Variants in ANXA8 observed in about 807,000 individuals in gnomAD.
ANXA8 encodes the protein annexin A8.
In ANXA8, 9 loss-of-function variants were observed where a neutral mutation model predicts 26.8. The ratio of observed to expected loss-of-function variants is 0.34; its 90% CI spans 0.20 to 0.59. ANXA8 has a LOEUF of 0.59. ANXA8 is among the 20% of genes least tolerant of loss of function. The probability of loss-of-function intolerance (pLI) is 0.84; values close to 1 mark genes in which losing one functional copy is unlikely to be tolerated. For missense variants in ANXA8, 83 were observed against 238.5 expected (o/e 0.35, Z 4.29); for synonymous variants, 39 against 94.8 (o/e 0.41, Z 3.42).
the ANXA8 span, among the ~76,000 whole-genome samples, chr10:47,734,152 C>T: frequency 1.4e-5 from 2 of 141,448 alleles, no homozygotes; most frequent in African/African-American, 5.3e-5. Context: ...TCATCATTGG[C>T]TGCAATCTTA....
chr10:47,511,376 T>C, the ANXA8 span, among the ~76,000 whole-genome samples: 1 of 140,874 alleles, frequency 7.1e-6, no homozygotes. Flanking sequence ...TCAGGTGATA[T>C]TGTTACAAAA....
At chr10:47,586,988 T>C in the ANXA8 span, among the ~76,000 whole-genome samples, 28 of 143,750 alleles carry the variant, frequency 1.9e-4, no homozygotes, top group African/African-American at 6.1e-4. Flanking sequence ...TGGCAGAACA[T>C]GAGGTCAAGA....
chr10:47,658,847 A>ATTATTTATTTAT, the ANXA8 span, among the ~76,000 whole-genome samples: 93 of 133,704 alleles, frequency 7.0e-4, no homozygotes, highest in Non-Finnish European at 1.1e-3. Context: ...TTATTTATTT[A>ATTATTTATTTAT]TTATTTATTT....
chr10:47,756,948 G>A, the ANXA8 span, among the ~76,000 whole-genome samples: 1 of 138,894 alleles, frequency 7.2e-6, no homozygotes, highest in Admixed American at 7.2e-5. Flanking sequence ...GGAAACAGGA[G>A]GGGCAGGGCC....
rs1839435724 is a variant in ANXA8 at position 47,474,424 on chromosome 10, C to T, written c.553-26G>A. On this transcript the variant is annotated intron_variant, in intron 7 of 11. Transcript: ENST00000585281. ...CTAGCATTGGGACACCCACAATAAG[C>T]CAGTGAGGGAGACCAGGGAGGTGAG... 9.7e-6 allele frequency: 13 copies of T among 1,346,976 alleles called. 2 individuals are homozygous for T. Among genetic ancestry groups the T allele is most frequent in the Non-Finnish European group, 1.2e-5 (12 of 1,002,360 alleles). 83.4% of individuals were successfully genotyped at this position (1,346,976 alleles called of 1,614,324 possible). A position where few individuals can be genotyped will look rare whatever the true frequency, so the allele number is the denominator to read the frequency against.
upstream of ANXA8, among the ~76,000 whole-genome samples, chr10:47,488,966 C>T: frequency 6.7e-6 from 1 of 148,348 alleles, no homozygotes; most frequent in East Asian, 2.1e-4. Context: ...CCGCCCACCT[C>T]AGCCTCCCAA....
At chr10:47,658,559 A>G in the ANXA8 span, among the ~76,000 whole-genome samples, 2 of 143,550 alleles carry the variant, frequency 1.4e-5, no homozygotes, top group Non-Finnish European at 3.0e-5. Context: ...AGAAAAATCT[A>G]TAGGGATTTC....
the ANXA8 span, among the ~76,000 whole-genome samples, chr10:47,755,195 TC>T: frequency 2.6e-5 from 4 of 151,722 alleles, no homozygotes; most frequent in African/African-American, 9.7e-5. Context: ...GATGTCGTAA[TC>T]CACCCCTCTC....
At chr10:47,595,473 G>A in the ANXA8 span, among the ~76,000 whole-genome samples, 1 of 148,910 alleles carries the variant, frequency 6.7e-6, no homozygotes, top group Non-Finnish European at 1.5e-5. Flanking sequence ...TGGCGAATTG[G>A]AATAAAAAAA....
At chr10:47,688,186 C>G in the ANXA8 span, among the ~76,000 whole-genome samples, 1 of 148,118 alleles carries the variant, frequency 6.8e-6, no homozygotes, top group Non-Finnish European at 1.5e-5. Flanking sequence ...GTCCGCCTCT[C>G]AGGCTCAAGT....
At chr10:47,746,724 G>A in the ANXA8 span, among the ~76,000 whole-genome samples, 1 of 133,938 alleles carries the variant, frequency 7.5e-6, no homozygotes, top group African/African-American at 2.7e-5. Context: ...ACCACCTCCA[G>A]CCAACCCACA....
chr10:47,945,450 C>T, the ANXA8 span, among the ~76,000 whole-genome samples: 4 of 150,844 alleles, frequency 2.7e-5, no homozygotes, highest in Non-Finnish European at 5.9e-5. Flanking sequence ...TCTCTTTGCC[C>T]ACCCGCTGCT....
At chr10:47,636,702 C>T in the ANXA8 span, among the ~76,000 whole-genome samples, 1 of 152,028 alleles carries the variant, frequency 6.6e-6, no homozygotes, top group East Asian at 1.9e-4. Context: ...GTACGAAGGA[C>T]CTTCAACAAC....
At chr10:47,707,519 T>C in the ANXA8 span, among the ~76,000 whole-genome samples, 1 of 141,844 alleles carries the variant, frequency 7.1e-6, no homozygotes, top group African/African-American at 2.5e-5. Context: ...CCTGAATAGC[T>C]GGGACTACAG....
At chr10:47,613,312 G>C in the ANXA8 span, among the ~76,000 whole-genome samples, 5,883 of 141,898 alleles carry the variant, frequency 0.041, 6 homozygotes, top group African/African-American at 0.073. Flanking sequence ...TCTCAACTGA[G>C]AAGTCTAATA....
the ANXA8 span, among the ~76,000 whole-genome samples, chr10:47,689,516 G>A: frequency 6.6e-6 from 1 of 151,834 alleles, no homozygotes; most frequent in Admixed American, 6.6e-5. Context: ...TGAATATTGT[G>A]ATTTCTCCTT....
the ANXA8 span, among the ~76,000 whole-genome samples, chr10:47,559,142 C>CTTTTTTTTTTTTTTTTTTTTTTTTT: frequency 2.7e-5 from 2 of 73,312 alleles, no homozygotes; most frequent in Admixed American, 1.6e-4. Flanking sequence ...TGGAGTCTTA[C>CTTTTTTTTTTTTTTTTTTTTTTTTT]TTTTTTTTTT....
chr10:47,571,842 A>G, the ANXA8 span, among the ~76,000 whole-genome samples: 1 of 148,110 alleles, frequency 6.8e-6, no homozygotes, highest in East Asian at 2.0e-4. Flanking sequence ...CTCATCACGT[A>G]TCCCAGACTG....
chr10:47,695,481 C>T, the ANXA8 span, among the ~76,000 whole-genome samples: 3 of 151,528 alleles, frequency 2.0e-5, no homozygotes, highest in South Asian at 2.1e-4. Context: ...ATGAGTTGGG[C>T]GCTATGAAAG....
Sources: allele counts gnomAD v4.1 joint callset (sites outside exome capture counted in the v4.1 genomes callset), GRCh38; gene constraint gnomAD v4.1.1; transcripts MANE v1.5; gene names NCBI Gene and HGNC (gene_info 2026-07-23, HGNC 2026-07-21).